Variants in DMXL2 observed in about 807,000 individuals in gnomAD.
DMXL2 encodes dmX-like protein 2.
Under a neutral mutation model 331.1 loss-of-function variants are expected in DMXL2, and 103 were observed. The observed-to-expected ratio is 0.31, with a 90% CI of 0.27 to 0.37. The LOEUF (loss-of-function observed/expected upper bound fraction) is 0.37. Among genes scored for constraint, DMXL2 ranks in the 10% least tolerant of loss-of-function variants. The pLI is 1.00. For missense variants in DMXL2, 3,171 were observed against 3,642.9 expected, an observed-to-expected ratio of 0.87 and a Z score of 3.33; for synonymous variants, 1,281 against 1,252.1, an observed-to-expected ratio of 1.02 and a Z score of -0.49.
At chr15:51,540,339 T>C (rs945371297) in intron 9 of DMXL2, among the ~76,000 whole-genome samples, 5 of 152,196 alleles carry the variant, frequency 3.3e-5, no homozygotes, top group Non-Finnish European at 7.4e-5. Context: ...TCACATGCAA[T>C]AACAGTATTA....
intron 23 of DMXL2, 63 bp downstream of exon 23, chr15:51,486,010 A>T: frequency 6.8e-7 from 1 of 1,460,480 alleles, no homozygotes; most frequent in Non-Finnish European, 9.2e-7. Context: ...CTAAGTGAAC[A>T]TTAGTTCAGA....
At chr15:51,467,732 T>TA (rs1299243259) in intron 29 of DMXL2, among the ~76,000 whole-genome samples, 1 of 150,874 alleles carries the variant, frequency 6.6e-6, no homozygotes, top group African/African-American at 2.4e-5. Context: ...AGTACTTCTT[T>TA]TTTTTTTTTT....
At chr15:51,571,858 A>G (rs2141101796) in intron 2 of DMXL2, among the ~76,000 whole-genome samples, 1 of 152,282 alleles carries the variant, frequency 6.6e-6, no homozygotes, top group Non-Finnish European at 1.5e-5. Context: ...TTGACACCCT[A>G]ACATCACAAT....
chr15:51,609,901 G>A (rs562697991), intron 1 of DMXL2, among the ~76,000 whole-genome samples: 1 of 150,896 alleles, frequency 6.6e-6, no homozygotes, highest in East Asian at 1.9e-4. Context: ...TTGCACTCCA[G>A]CCTGGGCAAC....
Position 51,474,522 on chromosome 15 carries a change from T to A in DMXL2, c.7035A>T (p.Leu2345=). 1 of 1,614,132 alleles carries A rather than the reference T, an allele frequency of 6.2e-7. No individual in the cohort carries two copies. The highest frequency in any genetic ancestry group is 1.7e-4 in the Middle Eastern group (1 of 6,060). Residue 2345 remains leucine (L), a synonymous_variant, in exon 28 of 44, where the codon CTA becomes CTT. Transcript: ENST00000560891. ...AGTAAACAGCAACAACAGCTTCACA[T>A]AGCAAAATGTTCAGTTTTGGCTGGT... is the stretch of plus-strand genomic sequence containing the variant. The part of the protein sequence containing the change: ...DEDQPKLNIL[L]CEAVVAVYLS...
intron 1 of DMXL2, among the ~76,000 whole-genome samples, chr15:51,597,331 C>G (rs2052896608): frequency 6.6e-6 from 1 of 152,144 alleles, no homozygotes. Context: ...GAAATCACCC[C>G]CTTATTTTTC....
intron 32 of DMXL2, 120 bp downstream of exon 32, chr15:51,464,554 TA>T: frequency 2.7e-6 from 2 of 751,962 alleles, no homozygotes; most frequent in Non-Finnish European, 4.3e-6. Context: ...CGTATTCTGC[TA>T]AAAATAGGAC....
At chr15:51,538,476 A>T (rs1365997582) in intron 9 of DMXL2, 24 bp from the exon 10 acceptor site, 1 of 1,532,918 alleles carries the variant, frequency 6.5e-7, no homozygotes, top group Non-Finnish European at 8.8e-7. Flanking sequence ...AGAGATTTCA[A>T]TATAATTTTT....
At chr15:51,471,701 T>G (rs1469547611) in intron 28 of DMXL2, among the ~76,000 whole-genome samples, 1 of 152,206 alleles carries the variant, frequency 6.6e-6, no homozygotes, top group African/African-American at 2.4e-5. Flanking sequence ...AAGTGAGTGA[T>G]TGACTGATTA....
intron 43 of DMXL2, 47 bp downstream of exon 43, chr15:51,450,082 C>T (rs1479091209): frequency 2.6e-6 from 4 of 1,539,816 alleles, no homozygotes; most frequent in Admixed American, 1.9e-5. Context: ...TGTTTTTTCT[C>T]TTTCCAATCA....
Position 51,539,662 on chromosome 15 carries a change from A to G in DMXL2, c.1106-1210T>C, listed in dbSNP as rs181180366. On this transcript the variant is annotated intron_variant, in intron 9 of 43. Coordinates refer to ENST00000560891, the MANE Select transcript of DMXL2 (RefSeq NM_001378457.1). ...TGACTCTACAAAAACTACAAAAATT[A>G]GCCAGGTGTAGTGGCACACACCTGT... Among the ~76,000 whole-genome samples the G allele has an allele frequency of 2.0e-5, 3 of 152,192 alleles. No homozygotes were observed. In the East Asian group the frequency reaches 5.8e-4, roughly 29 times the overall value.
chr15:51,546,747 C>A (rs1041856379), intron 7 of DMXL2, among the ~76,000 whole-genome samples: 19 of 151,712 alleles, frequency 1.3e-4, no homozygotes, highest in Non-Finnish European at 2.7e-4. Context: ...AAAACAACAA[C>A]AAAAAAAACA....
At chr15:51,543,490 G>C (rs1167658931) in intron 8 of DMXL2, among the ~76,000 whole-genome samples, 1 of 152,112 alleles carries the variant, frequency 6.6e-6, no homozygotes, top group African/African-American at 2.4e-5. Context: ...GGTTAAGATT[G>C]ACATTAGAGA....
At chr15:51,498,330 T>C (rs1368950365) in intron 18 of DMXL2, among the ~76,000 whole-genome samples, 1 of 152,110 alleles carries the variant, frequency 6.6e-6, no homozygotes, top group African/African-American at 2.4e-5. Flanking sequence ...TAAAAACTCA[T>C]GAGAGAATGC....
At chr15:51,576,341 A>T (rs184283470) in intron 1 of DMXL2, among the ~76,000 whole-genome samples, 160 bp from the exon 2 acceptor site, 2 of 152,252 alleles carry the variant, frequency 1.3e-5, no homozygotes, top group Admixed American at 1.3e-4. Flanking sequence ...AAATAAGAAC[A>T]TTAAAAGTCA....
At chr15:51,549,288 C>A (rs966472401) in intron 6 of DMXL2, among the ~76,000 whole-genome samples, 11 of 151,644 alleles carry the variant, frequency 7.3e-5, no homozygotes, top group African/African-American at 2.7e-4. Flanking sequence ...AATGTCATTT[C>A]ATTCCTTTTT....
intron 16 of DMXL2, among the ~76,000 whole-genome samples, chr15:51,505,123 A>C (rs2043966890): frequency 6.6e-6 from 1 of 152,208 alleles, no homozygotes; most frequent in African/African-American, 2.4e-5. Flanking sequence ...TTCTCTAACA[A>C]AATTTAAACC....
intron 22 of DMXL2, among the ~76,000 whole-genome samples, chr15:51,487,551 G>A (rs538933503): frequency 7.9e-5 from 12 of 152,184 alleles, no homozygotes; most frequent in East Asian, 1.9e-4. Flanking sequence ...TCCGCCTCTC[G>A]GGTTCAAGTG....
At chr15:51,483,486 A>G (rs951042319) in intron 23 of DMXL2, among the ~76,000 whole-genome samples, 4 of 152,130 alleles carry the variant, frequency 2.6e-5, no homozygotes, top group Non-Finnish European at 4.4e-5. Context: ...CAGAGAAACA[A>G]TCTGGCAGTC....
Sources: allele counts gnomAD v4.1 joint callset (sites outside exome capture counted in the v4.1 genomes callset), GRCh38; gene constraint gnomAD v4.1.1; transcripts MANE v1.5; gene names NCBI Gene and HGNC (gene_info 2026-07-23, HGNC 2026-07-21).